The following RAD51B variants were observed in gnomAD, a reference collection of about 807,000 sequenced individuals.
RAD51B encodes RAD51 paralog B.
RAD51B carries 38 observed loss-of-function variants against 42.2 expected under a neutral mutation model. The ratio of observed to expected loss-of-function variants is 0.90; its 90% CI spans 0.70 to 1.18. The LOEUF is 1.18. Among genes scored for constraint, RAD51B ranks in the 50% most tolerant of loss-of-function variants. The probability of loss-of-function intolerance (pLI) is 0.00; values close to 1 mark genes in which losing one functional copy is unlikely to be tolerated. For missense variants in RAD51B, 373 were observed against 400.7 expected (o/e 0.93, Z 0.59); for synonymous variants, 154 against 145.2 (o/e 1.06, Z -0.43).
chr14:68,490,034 G>A (rs983471751), intron 10 of RAD51B, among the ~76,000 whole-genome samples: 4 of 152,156 alleles, frequency 2.6e-5, no homozygotes, highest in East Asian at 1.9e-4. Context: ...GCTGAGAGCC[G>A]TAACTACCGC....
At chr14:68,457,578 G>A (rs1440541601) in intron 9 of RAD51B, among the ~76,000 whole-genome samples, 1 of 151,872 alleles carries the variant, frequency 6.6e-6, no homozygotes, top group South Asian at 2.1e-4. Context: ...TCTGATTGTG[G>A]TATAATTCAG....
intron 8 of RAD51B, among the ~76,000 whole-genome samples, chr14:68,362,647 A>G (rs949813948): frequency 6.6e-6 from 1 of 152,180 alleles, no homozygotes; most frequent in Non-Finnish European, 1.5e-5. Flanking sequence ...CAGGAGATCG[A>G]GACCATCCTG....
chr14:68,667,827 C>T (rs1485458932), intron 11 of RAD51B, among the ~76,000 whole-genome samples: 1 of 152,234 alleles, frequency 6.6e-6, no homozygotes, highest in African/African-American at 2.4e-5. Context: ...CTCCTCCCAG[C>T]TACCATGCCA....
At chr14:68,051,609 T>G (rs1490045915) in intron 7 of RAD51B, among the ~76,000 whole-genome samples, 1 of 152,090 alleles carries the variant, frequency 6.6e-6, no homozygotes, top group Admixed American at 6.6e-5. Context: ...TTTTTTTTTT[T>G]TTAAGAGTCA....
chr14:68,101,123 C>A (rs1329652638), intron 7 of RAD51B, among the ~76,000 whole-genome samples: 1 of 152,134 alleles, frequency 6.6e-6, no homozygotes, highest in East Asian at 1.9e-4. Flanking sequence ...ACAAGAACAG[C>A]AGCATGTTGT....
At chr14:67,909,208 G>C (rs1429025217) in intron 7 of RAD51B, among the ~76,000 whole-genome samples, 1 of 152,176 alleles carries the variant, frequency 6.6e-6, no homozygotes, top group African/African-American at 2.4e-5. Context: ...CCAGAGAATA[G>C]ATTGGAGGAG....
intron 8 of RAD51B, among the ~76,000 whole-genome samples, chr14:68,305,234 A>G (rs1262782291): frequency 6.6e-6 from 1 of 152,244 alleles, no homozygotes; most frequent in Admixed American, 6.5e-5. Flanking sequence ...AAATTTGAGC[A>G]CTGGGTCCAT....
intron 7 of RAD51B, among the ~76,000 whole-genome samples, chr14:68,112,188 G>A (rs1157140853): frequency 2.0e-5 from 3 of 151,982 alleles, no homozygotes; most frequent in African/African-American, 7.2e-5. Context: ...AGAGTTAGGA[G>A]TCCTAGTATA....
chr14:68,362,249 A>C (rs779364450), intron 8 of RAD51B, among the ~76,000 whole-genome samples: 8 of 152,224 alleles, frequency 5.3e-5, no homozygotes, highest in African/African-American at 1.9e-4. Context: ...TATTTTTGTT[A>C]ATCCTTGACT....
At chr14:68,477,598 A>C (rs375781145) in intron 10 of RAD51B, 50 bp from the exon 11 acceptor site, 1 of 1,575,130 alleles carries the variant, frequency 6.3e-7, no homozygotes, top group African/African-American at 1.4e-5. Flanking sequence ...AGTGCATTTC[A>C]TAACAATTTT....
chr14:68,493,948 T>A (rs1397864240), intron 10 of RAD51B, among the ~76,000 whole-genome samples: 2 of 152,136 alleles, frequency 1.3e-5, no homozygotes, highest in Admixed American at 1.3e-4. Context: ...AGGCTCCAGG[T>A]TGGAGGAGCT....
chr14:68,582,285 C>G (rs963307726), intron 10 of RAD51B, among the ~76,000 whole-genome samples: 3 of 152,116 alleles, frequency 2.0e-5, no homozygotes, highest in Non-Finnish European at 4.4e-5. Context: ...TATCCAGAAT[C>G]TACAAAAAAC....
intron 8 of RAD51B, among the ~76,000 whole-genome samples, chr14:68,301,127 A>T (rs562465423): frequency 6.6e-6 from 1 of 152,112 alleles, no homozygotes; most frequent in East Asian, 1.9e-4. Flanking sequence ...TATGATGTTG[A>T]TTTTTTTTAA....
intron 7 of RAD51B, among the ~76,000 whole-genome samples, chr14:68,042,656 C>T (rs2076235865): frequency 6.6e-6 from 1 of 152,104 alleles, no homozygotes; most frequent in South Asian, 2.1e-4. Context: ...AGGAGCGTCC[C>T]TCTTAGAGCA....
chr14:68,465,792 T>A (rs567285984), intron 9 of RAD51B, among the ~76,000 whole-genome samples: 2 of 151,798 alleles, frequency 1.3e-5, no homozygotes, highest in East Asian at 3.9e-4. Context: ...ATATAAAAAA[T>A]TAGCTGGGTG....
chr14:68,025,557 G>A (rs2075941768), intron 7 of RAD51B, among the ~76,000 whole-genome samples: 1 of 137,834 alleles, frequency 7.3e-6, no homozygotes, highest in Non-Finnish European at 1.5e-5. Flanking sequence ...TCAGAACTCA[G>A]TATTGGTCTA....
chr14:68,124,673 G>T (rs1250223423), intron 7 of RAD51B, among the ~76,000 whole-genome samples: 1 of 152,152 alleles, frequency 6.6e-6, no homozygotes. Context: ...ATTATGTAAG[G>T]CCGGGTGTGG....
intron 7 of RAD51B, among the ~76,000 whole-genome samples, chr14:68,238,343 C>T (rs559183997): frequency 2.0e-5 from 3 of 152,180 alleles, no homozygotes; most frequent in African/African-American, 7.2e-5. Flanking sequence ...CTCTGTCGCC[C>T]CAGCTGGAGT....
At chr14:68,657,522 C>G (rs1010332019) in intron 11 of RAD51B, among the ~76,000 whole-genome samples, 2 of 152,326 alleles carry the variant, frequency 1.3e-5, no homozygotes, top group South Asian at 4.1e-4. Flanking sequence ...ACTAAGTGAG[C>G]CTGGTGGGGG....
Sources: gnomAD v4.1 joint callset for allele counts (sites outside exome capture counted in the v4.1 genomes callset) on GRCh38, gnomAD v4.1.1 for gene constraint, MANE v1.5 for transcripts, NCBI Gene and HGNC (gene_info 2026-07-23, HGNC 2026-07-21) for gene names.